SNX14: variants seen among roughly 807,000 people sequenced by gnomAD.
The protein encoded by SNX14 is sorting nexin-14.
Under a neutral mutation model 133.8 loss-of-function variants are expected in SNX14, and 93 were observed. The ratio of observed to expected loss-of-function variants is 0.70; its 90% CI spans 0.59 to 0.83. SNX14 has a LOEUF of 0.83. Among genes scored for constraint, SNX14 ranks in the 40% least tolerant of loss-of-function variants. The pLI, the probability that SNX14 is intolerant of heterozygous loss-of-function variation, is 0.00. For missense variants in SNX14, 945 were observed against 1,094.9 expected (o/e 0.86, Z 1.93); for synonymous variants, 368 against 365.6 (o/e 1.01, Z -0.07).
intron 1 of SNX14, among the ~76,000 whole-genome samples, chr6:85,591,747 C>T (rs1165124426): frequency 1.3e-5 from 2 of 152,186 alleles, no homozygotes; most frequent in East Asian, 1.9e-4. Flanking sequence ...CAGTCGCTCA[C>T]GCCTGTAATC....
intron 6 of SNX14, among the ~76,000 whole-genome samples, chr6:85,561,051 A>G (rs1791377426): frequency 6.7e-6 from 1 of 149,072 alleles, no homozygotes; most frequent in Admixed American, 6.8e-5. Context: ...AAAAAAAAAA[A>G]GGCTGGGCAC....
chr6:85,580,644 C>G (rs1011247012), intron 1 of SNX14, among the ~76,000 whole-genome samples: 1 of 152,070 alleles, frequency 6.6e-6, no homozygotes, highest in Non-Finnish European at 1.5e-5. Flanking sequence ...TGGCACCATT[C>G]ACCACAAGCT....
intron 4 of SNX14, among the ~76,000 whole-genome samples, chr6:85,568,923 C>T (rs1794739985): frequency 6.6e-6 from 1 of 152,084 alleles, no homozygotes; most frequent in South Asian, 2.1e-4. Flanking sequence ...CAGCCAATCA[C>T]CAAGTCCTAC....
intron 4 of SNX14, among the ~76,000 whole-genome samples, chr6:85,569,960 GCT>G (rs1362426028): frequency 6.6e-6 from 1 of 152,088 alleles, no homozygotes. Flanking sequence ...CCTTTTGAAA[GCT>G]CTACTCAAAT....
chr6:85,538,748 A>AC, intron 16 of SNX14, 90 bp downstream of exon 16: 1 of 1,194,772 alleles, frequency 8.4e-7, no homozygotes, highest in South Asian at 1.5e-5. Flanking sequence ...ACAGTGTTCC[A>AC]TTTTTTTCCT....
chr6:85,547,087 C>T lies in SNX14; in HGVS notation c.1108+25G>A, dbSNP rs951671566. The T allele has an allele frequency of 7.7e-6, 12 of 1,549,052 alleles. 1 individual carries two copies. The highest frequency in any genetic ancestry group is 5.6e-5 in the African/African-American group (4 of 72,026). On this transcript the variant is annotated intron_variant, in intron 12 of 28. Transcript: ENST00000314673. ...CATTAAAAGGTTTAAAAATTACTTT[C>T]GTAAAATACACAGGTAAGCCTCACC...
intron 6 of SNX14, among the ~76,000 whole-genome samples, chr6:85,564,771 C>A (rs1052342609): frequency 6.6e-6 from 1 of 152,030 alleles, no homozygotes; most frequent in Admixed American, 6.6e-5. Flanking sequence ...GGGCGGATCA[C>A]AATGTCAGGA....
rs1389489318 is a variant in SNX14 at position 85,528,401 on chromosome 6, C to T, written c.1895-39G>A. On this transcript the variant is annotated intron_variant, in intron 19 of 28. Transcript: ENST00000314673. ...ATATTATAGTTATTACTGTGTTCTGCTACTATTTTTAAAACCTTAAATTAG... is the reference window on the plus strand; with the variant it reads ...ATATTATAGTTATTACTGTGTTCTGTTACTATTTTTAAAACCTTAAATTAG... 89 of 1,490,074 alleles carry T rather than the reference C, an allele frequency of 6.0e-5. No individual in the cohort carries two copies. The East Asian group carries it at 2.0e-3, about 34-fold the overall frequency. The allele number at this position is 1,490,074 out of a possible 1,614,324, so 92.3% of individuals were successfully genotyped here. A position where few individuals can be genotyped will look rare whatever the true frequency, so the allele number is the denominator to read the frequency against.
chr6:85,545,009 T>A (rs1007719056), intron 12 of SNX14, among the ~76,000 whole-genome samples: 1 of 152,168 alleles, frequency 6.6e-6, no homozygotes, highest in African/African-American at 2.4e-5. Context: ...TTTTATAGCC[T>A]ATGCAGAATT....
Position 85,514,615 on chromosome 6 carries a change from C to T in SNX14, c.2283G>A (p.Leu761=). The T allele has an allele frequency of 6.2e-7, 1 of 1,610,966 alleles. No homozygotes were observed. Among genetic ancestry groups the T allele is most frequent in the South Asian group, 1.1e-5 (1 of 91,006 alleles). ...CAGCACGGTTTGCATTATTTTTAAA[C>T]AGATCATTGAAAAGCTAAAATAAAA... ...SENNKKLFND[L]FKNNANRAEN... Residue 761 remains leucine (L), a synonymous_variant, in exon 24 of 29, where the codon CTG becomes CTA. Coordinates refer to ENST00000314673, the MANE Select transcript of SNX14 (RefSeq NM_153816.6).
chr6:85,507,851 T>C, intron 27 of SNX14, 117 bp downstream of exon 27: 1 of 565,644 alleles, frequency 1.8e-6, no homozygotes, highest in Non-Finnish European at 2.8e-6. Flanking sequence ...ATGTTTAAAA[T>C]TATATTGCCT....
chr6:85,549,866 C>T lies in SNX14; in HGVS notation c.648G>A (p.Glu216=). 2 of 1,604,424 alleles carry T rather than the reference C, an allele frequency of 1.2e-6. No homozygotes were observed. The highest frequency in any genetic ancestry group is 1.3e-5 in the African/African-American group (1 of 74,402). ...VKARQKVKNT[E]FLQQAALEEY... ...CTTCTAAAGCAGCTTGCTGTAAAAA[C>T]TCTGTATTTTTTACTATAGAGATTA... is the stretch of plus-strand genomic sequence containing the variant. The change falls in exon 8 of 29, where the codon GAG becomes GAA. Residue 216 remains glutamate, a synonymous_variant. Transcript: ENST00000314673.
intron 17 of SNX14, among the ~76,000 whole-genome samples, chr6:85,536,158 G>A (rs907934208): frequency 6.6e-6 from 1 of 152,170 alleles, no homozygotes; most frequent in African/African-American, 2.4e-5. Context: ...AAAGGTTTAT[G>A]GGGAACAGTT....
At chr6:85,572,793 C>CA (rs1041608549) in intron 2 of SNX14, among the ~76,000 whole-genome samples, 119 of 151,710 alleles carry the variant, frequency 7.8e-4, no homozygotes, top group African/African-American at 2.7e-3. Context: ...CCTGTCTCTA[C>CA]AAAAAAAATT....
Position 85,547,208 on chromosome 6 carries a change from T to C in SNX14, c.1012A>G (p.Lys338Glu). The change falls in exon 12 of 29, where the codon AAG becomes GAG. Residue 338 changes from lysine (K) to glutamate (E), a missense_variant. Lys to Glu is a moderately conservative substitution (Grantham distance 56). Around this residue, in one of 3 missense-constraint regions of SNX14, gnomAD observed 514 missense variants for 538.8 expected, o/e 0.95. Transcript: ENST00000314673. ...AGATCTTGTTGCTCTCTGATTTGCT[T>C]CAATTCTAACTTCAGCACCTTGATA... Reference protein sequence around the residue: ...KKPSVLKLELKQIREQQDLLF... With the variant: ...KKPSVLKLELEQIREQQDLLF... The C allele has an allele frequency of 3.7e-6, 6 of 1,614,112 alleles. No homozygotes were observed. The highest frequency in any genetic ancestry group is 5.1e-6 in the Non-Finnish European group (6 of 1,179,984).
chr6:85,506,959 A>G (rs1770922506), intron 28 of SNX14, among the ~76,000 whole-genome samples: 1 of 152,018 alleles, frequency 6.6e-6, no homozygotes, highest in African/African-American at 2.4e-5. Context: ...TAGGACTTAC[A>G]CTCACTTCTT....
Position 85,507,198 on chromosome 6 carries a change from G to T in SNX14, c.2802+35C>A, listed in dbSNP as rs147419879. On this transcript the variant is annotated intron_variant, in intron 28 of 28. Transcript: ENST00000314673. ...AAAATAAATGTCAGCATACCATTAA[G>T]AAAATCATGAATAAAATTACTGCTT... is the stretch of plus-strand genomic sequence containing the variant. 2.0e-4 allele frequency: 305 copies of T among 1,558,720 alleles called. 1 individual carries two copies. The East Asian group carries it at 5.6e-3, about 29-fold the overall frequency.
chr6:85,550,506 AT>A (rs1787366728), intron 7 of SNX14, among the ~76,000 whole-genome samples: 1 of 152,108 alleles, frequency 6.6e-6, no homozygotes, highest in Non-Finnish European at 1.5e-5. Flanking sequence ...TATTATCATT[AT>A]TATTTTGAGA....
chr6:85,557,476 G>T (rs1299100061), intron 7 of SNX14, among the ~76,000 whole-genome samples: 1 of 152,184 alleles, frequency 6.6e-6, no homozygotes, highest in Non-Finnish European at 1.5e-5. Context: ...CAGCAAGCAG[G>T]TCATCCTGGC....
Sources: allele counts gnomAD v4.1 joint callset (sites outside exome capture counted in the v4.1 genomes callset), GRCh38; gene constraint gnomAD v4.1.1; regional missense constraint gnomAD v4.1.1; transcripts MANE v1.5; gene names NCBI Gene and HGNC (gene_info 2026-07-23, HGNC 2026-07-21).